The following ZNF454 variants were observed in gnomAD, a reference collection of about 807,000 sequenced individuals.
The protein encoded by ZNF454 is zinc finger protein 454.
A neutral mutation model predicts 48.2 loss-of-function variants in ZNF454; 30 were observed. The ratio of observed to expected loss-of-function variants is 0.62; its 90% CI spans 0.47 to 0.84. ZNF454 has a LOEUF of 0.84. Ranked by LOEUF, ZNF454 falls within the 40% of genes least tolerant of loss-of-function variation. The probability of loss-of-function intolerance (pLI) is 0.00; values close to 1 mark genes in which losing one functional copy is unlikely to be tolerated. For synonymous variants in ZNF454, 204 were observed against 211.4 expected, an observed-to-expected ratio of 0.97 and a Z score of 0.30; for missense variants, 510 against 623.1, an observed-to-expected ratio of 0.82 and a Z score of 1.93.
At chr5:178,952,644 A>G (rs971082890) in intron 4 of ZNF454, among the ~76,000 whole-genome samples, 1 of 151,976 alleles carries the variant, frequency 6.6e-6, no homozygotes, top group Non-Finnish European at 1.5e-5. Flanking sequence ...CTATCTTTTG[A>G]TCCATGAGGG....
intron 4 of ZNF454, among the ~76,000 whole-genome samples, chr5:178,952,912 CCTTTT>C (rs369085713): frequency 3.1e-4 from 47 of 151,802 alleles, no homozygotes; most frequent in African/African-American, 1.1e-3. Flanking sequence ...GTTTTTTCCC[CCTTTT>C]CTTTATTTTA....
At chr5:178,945,467 C>CGT (rs1198988008) in intron 2 of ZNF454, among the ~76,000 whole-genome samples, 1 of 122,646 alleles carries the variant, frequency 8.2e-6, no homozygotes, top group Non-Finnish European at 1.7e-5. Context: ...GGGGGTGTGT[C>CGT]GTGTGTGTGT....
At chr5:178,987,007 C>A in the ZNF454 span, 1 of 1,609,810 alleles carries the variant, frequency 6.2e-7, no homozygotes, top group Non-Finnish European at 8.5e-7. Flanking sequence ...CCGTCATCCT[C>A]GGTGGTCCTC....
chr5:178,986,638 TG>T, the ZNF454 span: 3 of 1,602,790 alleles, frequency 1.9e-6, no homozygotes, highest in Admixed American at 5.0e-5. Flanking sequence ...GGCCTCGCAG[TG>T]CCAACAGCAG....
downstream of ZNF454, among the ~76,000 whole-genome samples, chr5:178,969,989 T>C (rs1420754696): frequency 6.6e-6 from 1 of 152,182 alleles, no homozygotes; most frequent in Non-Finnish European, 1.5e-5. Flanking sequence ...CCTGCCTGTT[T>C]GCCTGGCTTT....
rs533017046 is a variant in ZNF454, at chr5:178,965,617, A to G, written c.1213A>G (p.Ile405Val). 2.5e-6 allele frequency: 4 copies of G among 1,614,112 alleles called. No homozygotes were observed. Among genetic ancestry groups the G allele is most frequent in the East Asian group, 2.2e-5 (1 of 44,862 alleles). The change falls in exon 5 of 5, where the codon ATT (isoleucine) becomes GTT (valine). Residue 405 changes from isoleucine (I) to valine (V), a missense_variant. Coordinates refer to ENST00000519564, the MANE Select transcript of ZNF454 (RefSeq NM_001178089.3). The surrounding 1 kb of genome is among the most constrained non-coding windows in gnomAD (Gnocchi z 5.2). ...DNSSFARHRK[I>V]HTGEKPYRCG... ...TTCATCCTTTGCACGACATCGGAAA[A>G]TTCACACTGGAGAGAAACCTTACAG...
chr5:178,971,221 G>C (rs1268916444), downstream of ZNF454, among the ~76,000 whole-genome samples: 1 of 152,200 alleles, frequency 6.6e-6, no homozygotes, highest in African/African-American at 2.4e-5. Flanking sequence ...GGCCACACAG[G>C]GCCATGTGGG....
chr5:178,965,671 G>A lies in ZNF454; in HGVS notation c.1267G>A (p.Asp423Asn). The A allele has an allele frequency of 6.2e-7, 1 of 1,614,116 alleles. No homozygotes were observed. Among genetic ancestry groups the A allele is most frequent in the Non-Finnish European group, 8.5e-7 (1 of 1,180,028 alleles). ...TGGCTTGTGTGAGAAAGCCTTTCGG[G>A]ACCAATCAGCACTAGCCCAACATCA... is the stretch of plus-strand genomic sequence containing the variant. ...RCGLCEKAFR[D>N]QSALAQHQRI... is the part of the protein sequence containing the mutation. The change falls in exon 5 of 5, where the codon GAC (aspartate) becomes AAC (asparagine). Residue 423 changes from aspartate to asparagine, a missense_variant. Asp to Asn is a conservative substitution (Grantham distance 23). This residue lies in a region of ZNF454 where 153 missense variants were observed against 195.8 expected (regional missense o/e 0.78). Transcript: ENST00000519564. The surrounding 1 kb of genome is among the most constrained non-coding windows in gnomAD (Gnocchi z 5.2).
the ZNF454 span, chr5:178,981,411 G>C: frequency 1.8e-6 from 1 of 541,158 alleles, no homozygotes; most frequent in Non-Finnish European, 3.3e-6. This position sits in a 1 kb window ranked among gnomAD's most constrained non-coding sequence, Gnocchi z 5.1. Context: ...AACCTTCTCG[G>C]TGGCTGTTTC....
rs761286515 is a variant in ZNF454, at chr5:178,965,857, C to T, written c.1453C>T (p.Gln485Ter). 23 of 1,613,836 alleles carry T rather than the reference C, an allele frequency of 1.4e-5. No individual in the cohort carries two copies. The Admixed American group carries it at 3.2e-4, about 22-fold the overall frequency. ...KAFIRSTHLT[Q>*]HQRIHTGEKP... Reference sequence around the variant, plus strand: ...CTTTATCCGAAGCACTCACCTGACTCAACATCAGAGGATTCACACAGGAGA... The same window carrying T: ...CTTTATCCGAAGCACTCACCTGACTTAACATCAGAGGATTCACACAGGAGA... The change falls in exon 5 of 5, where the codon CAA becomes TAA. Residue 485 changes from glutamine (Q) to a stop codon, truncating the protein, a stop_gained. Transcript: ENST00000519564. LOFTEE classifies it high-confidence loss of function. This position sits in a 1 kb window ranked among gnomAD's most constrained non-coding sequence, Gnocchi z 5.2.
At chr5:178,985,718 A>AAAAAAAAC in the ZNF454 span, 1 of 420,972 alleles carries the variant, frequency 2.4e-6, no homozygotes. Context: ...AAAAAAACAA[A>AAAAAAAAC]ACAACACAGG....
intron 4 of ZNF454, among the ~76,000 whole-genome samples, chr5:178,962,836 A>G (rs1243491633): frequency 1.3e-5 from 2 of 151,784 alleles, no homozygotes; most frequent in African/African-American, 4.8e-5. Context: ...GGTAGCAGCT[A>G]GAGTGCAAGC....
chr5:178,951,392 CTT>C (rs2113215833), intron 4 of ZNF454, among the ~76,000 whole-genome samples: 1 of 152,342 alleles, frequency 6.6e-6, no homozygotes, highest in African/African-American at 2.4e-5. Flanking sequence ...CTGTGCCTCT[CTT>C]TGTGTTTTCT....
chr5:178,988,467 A>C, the ZNF454 span, among the ~76,000 whole-genome samples: 2 of 152,214 alleles, frequency 1.3e-5, no homozygotes, highest in Admixed American at 1.3e-4. The surrounding 1 kb of genome is among the most constrained non-coding windows in gnomAD (Gnocchi z 6.0). Flanking sequence ...CAGAAGACAC[A>C]GTTTTGAGCC....
the ZNF454 span, among the ~76,000 whole-genome samples, chr5:178,976,425 G>T: frequency 2.0e-5 from 3 of 152,124 alleles, no homozygotes; most frequent in Non-Finnish European, 4.4e-5. Context: ...AGCACCCAAG[G>T]GTACCTGTGG....
At chr5:178,943,169 T>C (rs886480548) in intron 2 of ZNF454, among the ~76,000 whole-genome samples, 2 of 152,152 alleles carry the variant, frequency 1.3e-5, no homozygotes, top group East Asian at 1.9e-4. Flanking sequence ...TAAATAAATA[T>C]CTGAGGCTGG....
chr5:178,955,866 T>C (rs4700752), intron 4 of ZNF454, among the ~76,000 whole-genome samples: 85,884 of 151,882 alleles, frequency 0.57, 24,794 homozygotes, highest in Non-Finnish European at 0.62. Context: ...TTTGGTGGCT[T>C]ACAGATTGTA....
intron 4 of ZNF454, among the ~76,000 whole-genome samples, chr5:178,948,438 A>G (rs1374834670): frequency 2.0e-5 from 3 of 152,194 alleles, no homozygotes; most frequent in African/African-American, 7.2e-5. Flanking sequence ...TTTCACCTAA[A>G]TCATTCAATC....
At chr5:178,985,136 C>T in the ZNF454 span, 1 of 353,508 alleles carries the variant, frequency 2.8e-6, no homozygotes, top group East Asian at 9.4e-5. Context: ...CTCTCATCCA[C>T]ACTGCCCCAG....
Sources: allele counts gnomAD v4.1 joint callset (sites outside exome capture counted in the v4.1 genomes callset), GRCh38; gene constraint gnomAD v4.1.1; regional missense constraint gnomAD v4.1.1; non-coding constraint Gnocchi (gnomAD v3.1); transcripts MANE v1.5; gene names NCBI Gene and HGNC (gene_info 2026-07-23, HGNC 2026-07-21).